Variants in STEAP3 observed in about 807,000 individuals in gnomAD.
The protein encoded by STEAP3 is metalloreductase STEAP3.
STEAP3 carries 35 observed loss-of-function variants against 34.9 expected under a neutral mutation model. The ratio of observed to expected loss-of-function variants is 1.00; its 90% confidence interval spans 0.76 to 1.33. The LOEUF (loss-of-function observed/expected upper bound fraction) is 1.33. STEAP3 is among the 40% of genes most tolerant of loss of function. The probability of loss-of-function intolerance (pLI) is 0.00; values close to 1 mark genes in which losing one functional copy is unlikely to be tolerated. For missense variants in STEAP3, 652 were observed against 667.6 expected (o/e 0.98, Z 0.26); for synonymous variants, 281 against 301.6 (o/e 0.93, Z 0.71).
At chr2:119,231,644 T>A (rs916127123) in intron 2 of STEAP3, among the ~76,000 whole-genome samples, 1 of 152,166 alleles carries the variant, frequency 6.6e-6, no homozygotes, top group African/African-American at 2.4e-5. Context: ...GCACGTGTAT[T>A]TCTGCGGGGA....
intron 5 of STEAP3, among the ~76,000 whole-genome samples, chr2:119,256,956 G>C (rs1439680998): frequency 6.6e-6 from 1 of 152,162 alleles, no homozygotes; most frequent in Non-Finnish European, 1.5e-5. Context: ...TTATTCTTAG[G>C]GTATCTGGCC....
chr2:119,243,879 C>T (rs1677325806), intron 2 of STEAP3, among the ~76,000 whole-genome samples: 1 of 152,128 alleles, frequency 6.6e-6, no homozygotes, highest in Non-Finnish European at 1.5e-5. Context: ...GGTCAGGTGT[C>T]CAGAGGTTCC....
At chr2:119,232,798 C>T (rs1324113022) in intron 2 of STEAP3, among the ~76,000 whole-genome samples, 1 of 152,024 alleles carries the variant, frequency 6.6e-6, no homozygotes, top group Admixed American at 6.5e-5. Flanking sequence ...TAGGGCCCCC[C>T]ACCACCTACC....
chr2:119,235,533 C>T (rs1677070218), intron 2 of STEAP3, among the ~76,000 whole-genome samples: 1 of 152,254 alleles, frequency 6.6e-6, no homozygotes, highest in Non-Finnish European at 1.5e-5. Flanking sequence ...GTGGTCCCCA[C>T]ACCAGCAGCA....
chr2:119,226,104 G>A (rs1052383050), intron 1 of STEAP3, among the ~76,000 whole-genome samples: 3 of 152,216 alleles, frequency 2.0e-5, no homozygotes, highest in Non-Finnish European at 4.4e-5. Context: ...CCAAGTCCCA[G>A]GGTTCCCAGC....
chr2:119,257,571 C>T lies in STEAP3; in HGVS notation c.1215+2723C>T, dbSNP rs35542892. 265 of 1,542,668 alleles carry T rather than the reference C, an allele frequency of 1.7e-4. No homozygotes were observed. In the African/African-American group the frequency reaches 3.2e-3, roughly 19 times the overall value. Reference sequence around the variant, plus strand: ...TCATCAGACAAGTTTCCTAGGCCCTCGGAGCTTCTGCTGCTCACTTGTGCC... The same window carrying T: ...TCATCAGACAAGTTTCCTAGGCCCTTGGAGCTTCTGCTGCTCACTTGTGCC... On this transcript the variant is annotated intron_variant, in intron 5 of 5. Transcript: ENST00000393110.
intron 5 of STEAP3, among the ~76,000 whole-genome samples, chr2:119,262,631 G>A (rs1335550733): frequency 6.6e-6 from 1 of 152,160 alleles, no homozygotes; most frequent in Non-Finnish European, 1.5e-5. Context: ...ACCCACTTAG[G>A]CCTCCCAAAG....
At chr2:119,232,252 A>G (rs1471128163) in intron 2 of STEAP3, among the ~76,000 whole-genome samples, 2 of 152,184 alleles carry the variant, frequency 1.3e-5, no homozygotes, top group African/African-American at 2.4e-5. Flanking sequence ...GGATGGGCCC[A>G]GGGCACAGTG....
intron 5 of STEAP3, among the ~76,000 whole-genome samples, chr2:119,256,641 T>C (rs1477165045): frequency 6.6e-6 from 1 of 152,230 alleles, no homozygotes; most frequent in African/African-American, 2.4e-5. Flanking sequence ...ACAGTCCTTT[T>C]GCCACTGCAA....
chr2:119,235,802 T>C (rs1327156479), intron 2 of STEAP3, among the ~76,000 whole-genome samples: 1 of 152,072 alleles, frequency 6.6e-6, no homozygotes, highest in Non-Finnish European at 1.5e-5. Context: ...CTTGCAAGGG[T>C]AAGTGGCCTG....
intron 4 of STEAP3, among the ~76,000 whole-genome samples, chr2:119,250,234 C>T (rs1303027288): frequency 6.6e-6 from 1 of 152,244 alleles, no homozygotes; most frequent in Admixed American, 6.5e-5. Context: ...CTGCCAGGCC[C>T]TGGGGCCACA....
intron 1 of STEAP3, among the ~76,000 whole-genome samples, chr2:119,229,989 G>A (rs1322867722): frequency 1.3e-5 from 2 of 152,168 alleles, no homozygotes; most frequent in Non-Finnish European, 2.9e-5. Flanking sequence ...CCTTGGCTTG[G>A]TGTTTGGTGA....
chr2:119,243,274 G>A (rs1677304581), intron 2 of STEAP3, among the ~76,000 whole-genome samples: 1 of 152,224 alleles, frequency 6.6e-6, no homozygotes, highest in African/African-American at 2.4e-5. Context: ...TCTTGACATT[G>A]AGAATGCACC....
Position 119,230,354 on chromosome 2 carries a change from G to GGTCT in STEAP3, c.-393-246_-393-243dup, listed in dbSNP as rs58105709. 7.5e-3 allele frequency among the ~76,000 whole-genome samples: 1,140 copies of GGTCT among 152,042 alleles called. 33 individuals are homozygous for GGTCT. In the South Asian group the frequency reaches 0.087, roughly 12 times the overall value. The stretch of plus-strand genomic sequence containing the variant: ...AGACAAGTGCTGTCATCTGTTTGTG[G>GGTCT]GTCTGTCTGTCTGTCTGTCTGTCCG... On this transcript the variant is annotated intron_variant, in intron 1 of 5. Transcript: ENST00000393110.
At chr2:119,243,143 G>A (rs1371768483) in intron 2 of STEAP3, among the ~76,000 whole-genome samples, 1 of 152,202 alleles carries the variant, frequency 6.6e-6, no homozygotes, top group Non-Finnish European at 1.5e-5. Flanking sequence ...TCTCAGCTCA[G>A]CCAATCCCTG....
At position 119,248,060 on chromosome 2, in the gene STEAP3, C is replaced by T. The variant is rs1431821653; in HGVS notation, c.904C>T (p.Pro302Ser). 6.2e-7 allele frequency: 1 copy of T among 1,608,790 alleles called. No individual in the cohort carries two copies. Among genetic ancestry groups the T allele is most frequent in the Non-Finnish European group, 8.5e-7 (1 of 1,179,902 alleles). Residue 302 changes from proline (P) to serine (S), a missense_variant, in exon 4 of 6, where the codon CCC becomes TCC. Pro to Ser is a moderately conservative substitution (Grantham distance 74). Transcript: ENST00000393110. ...LRRGTKYQRFPDWLDHWLQHR... is the reference protein window; with the variant it reads ...LRRGTKYQRFSDWLDHWLQHR... ...GCGCGGCACCAAGTACCAGCGCTTC[C>T]CCGACTGGCTGGACCACTGGCTACA... is the stretch of plus-strand genomic sequence containing the variant.
intron 1 of STEAP3, among the ~76,000 whole-genome samples, chr2:119,226,509 C>A (rs1157359211): frequency 6.6e-6 from 1 of 152,178 alleles, no homozygotes; most frequent in Non-Finnish European, 1.5e-5. Context: ...TCTGCTCCTA[C>A]CCCACCCCTG....
chr2:119,264,808 C>CA lies in STEAP3; in HGVS notation c.*1470_*1471insA, dbSNP rs1558762673. ...TCACAGATGAGGCTGCCCCTGCCCCCCCCCCGCCAGGGAGGTTTCATGAGC... is the reference window on the plus strand; with the variant it reads ...TCACAGATGAGGCTGCCCCTGCCCCCACCCCCGCCAGGGAGGTTTCATGAGC... On this transcript the variant is annotated 3_prime_UTR_variant, in exon 6 of 6. Transcript: ENST00000393110. 7.9e-6 allele frequency: 1 copy of CA among 126,608 alleles called. No homozygotes were observed. The highest frequency in any genetic ancestry group is 2.9e-5 in the African/African-American group (1 of 34,548). The allele number at this position is 126,608 out of a possible 1,614,324, so 7.8% of individuals were successfully genotyped here.
rs775936307 is a variant in STEAP3, at chr2:119,264,567, C to T, written c.*1229C>T. On this transcript the variant is annotated 3_prime_UTR_variant, in exon 6 of 6. Transcript: ENST00000393110. ...CGTCTGTCCTCCAGTCACAGGCCAT[C>T]CTTGCTGCTCCCTACTGACTCTAGC... 1.3e-5 allele frequency: 2 copies of T among 152,230 alleles called. No individual in the cohort carries two copies. The highest frequency in any genetic ancestry group is 2.9e-5 in the Non-Finnish European group (2 of 68,074). 9.4% of individuals were successfully genotyped at this position (152,230 alleles called of 1,614,324 possible).
Sources: allele counts gnomAD v4.1 joint callset (sites outside exome capture counted in the v4.1 genomes callset), GRCh38; gene constraint gnomAD v4.1.1; transcripts MANE v1.5; gene names NCBI Gene and HGNC (gene_info 2026-07-23, HGNC 2026-07-21).